Variants in PTPRZ1 observed in about 807,000 individuals in gnomAD.
PTPRZ1 encodes protein tyrosine phosphatase receptor type Z1.
Under a neutral mutation model 214.1 loss-of-function variants are expected in PTPRZ1, and 82 were observed. That is an observed-to-expected ratio of 0.38 (90% CI 0.32 to 0.46). The LOEUF is 0.46. Ranked by LOEUF, PTPRZ1 falls within the 20% of genes least tolerant of loss-of-function variation. The pLI, the probability that PTPRZ1 is intolerant of heterozygous loss-of-function variation, is 1.00. For missense variants in PTPRZ1, 2,603 were observed against 2,748.7 expected, an observed-to-expected ratio of 0.95 and a Z score of 1.19; for synonymous variants, 945 against 987.9, an observed-to-expected ratio of 0.96 and a Z score of 0.81.
At chr7:121,879,755 C>G (rs1794176901) in intron 1 of PTPRZ1, among the ~76,000 whole-genome samples, 1 of 152,038 alleles carries the variant, frequency 6.6e-6, no homozygotes, top group Admixed American at 6.6e-5. Context: ...ATTTTCTTCT[C>G]AACTACCTTC....
intron 3 of PTPRZ1, 103 bp from the exon 4 acceptor site, chr7:121,972,438 A>C: frequency 8.4e-7 from 1 of 1,196,318 alleles, no homozygotes; most frequent in Non-Finnish European, 1.1e-6. Context: ...AAATTTATCA[A>C]ATAAATGATT....
intron 24 of PTPRZ1, 61 bp downstream of exon 24, chr7:122,051,582 AT>A (rs1792187131): frequency 2.9e-6 from 4 of 1,399,404 alleles, no homozygotes; most frequent in Non-Finnish European, 4.0e-6. Context: ...CTTGTAGGAA[AT>A]TTGGCAATAT....
chr7:121,881,667 A>G (rs1794242139), intron 1 of PTPRZ1, among the ~76,000 whole-genome samples: 1 of 152,186 alleles, frequency 6.6e-6, no homozygotes, highest in African/African-American at 2.4e-5. Flanking sequence ...TTTCAGCTTC[A>G]GAGTAACCCT....
chr7:121,968,604 CCTCT>C (rs905871423), intron 3 of PTPRZ1, among the ~76,000 whole-genome samples: 5 of 149,544 alleles, frequency 3.3e-5, no homozygotes, highest in Non-Finnish European at 5.9e-5. Context: ...CTTAGGAAAC[CCTCT>C]CTAAGTGTCT....
chr7:121,959,922 G>A (rs1309046139), intron 2 of PTPRZ1, among the ~76,000 whole-genome samples: 3 of 152,208 alleles, frequency 2.0e-5, no homozygotes, highest in African/African-American at 4.8e-5. Flanking sequence ...AGTGTATGGA[G>A]CACTAAGTAG....
intron 2 of PTPRZ1, among the ~76,000 whole-genome samples, chr7:121,930,167 A>G (rs1022101519): frequency 9.2e-5 from 14 of 152,140 alleles, no homozygotes; most frequent in Admixed American, 6.6e-5. Context: ...AAATTAAGGC[A>G]CATCTCGACT....
chr7:121,926,059 C>G (rs1385330365), intron 1 of PTPRZ1, among the ~76,000 whole-genome samples: 2 of 152,140 alleles, frequency 1.3e-5, no homozygotes, highest in South Asian at 2.1e-4. Flanking sequence ...AATTCCAGCA[C>G]TTTGGGAGGC....
chr7:121,939,366 T>C (rs1485047121), intron 2 of PTPRZ1, among the ~76,000 whole-genome samples: 1 of 152,226 alleles, frequency 6.6e-6, no homozygotes, highest in African/African-American at 2.4e-5. Context: ...AAACTTGGCA[T>C]ATGCCAAAAT....
intron 13 of PTPRZ1, 127 bp from the exon 14 acceptor site, chr7:122,028,425 C>T: frequency 3.6e-6 from 2 of 559,678 alleles, no homozygotes; most frequent in Non-Finnish European, 6.2e-6. Flanking sequence ...TCCAGCAATC[C>T]CTCTTCTGGG....
chr7:122,033,853 T>C, intron 15 of PTPRZ1: 1 of 504,760 alleles, frequency 2.0e-6, no homozygotes, highest in Non-Finnish European at 3.5e-6. Flanking sequence ...TATTATGACA[T>C]CACTATCTCC....
chr7:121,955,130 C>T (rs1563035517), intron 2 of PTPRZ1, among the ~76,000 whole-genome samples: 1 of 152,180 alleles, frequency 6.6e-6, no homozygotes, highest in Non-Finnish European at 1.5e-5. Flanking sequence ...AACTCTGTGT[C>T]ATTGACCCTT....
At chr7:122,017,177 T>C (rs1037994146) in intron 12 of PTPRZ1, among the ~76,000 whole-genome samples, 14 of 152,194 alleles carry the variant, frequency 9.2e-5, no homozygotes, top group Non-Finnish European at 1.8e-4. Flanking sequence ...ATAGTTACAA[T>C]AGAAAAAACT....
intron 2 of PTPRZ1, among the ~76,000 whole-genome samples, chr7:121,939,975 G>A (rs1161053932): frequency 1.3e-5 from 2 of 152,142 alleles, no homozygotes; most frequent in African/African-American, 4.8e-5. Flanking sequence ...GAAAAATTGT[G>A]CCAGGCAAAG....
At chr7:121,896,793 A>T (rs1794798748) in intron 1 of PTPRZ1, among the ~76,000 whole-genome samples, 1 of 152,028 alleles carries the variant, frequency 6.6e-6, no homozygotes, top group Admixed American at 6.6e-5. Flanking sequence ...AAAAAAAGAA[A>T]CAAGAACATT....
chr7:121,905,219 T>C (rs1339134469), intron 1 of PTPRZ1, among the ~76,000 whole-genome samples: 1 of 152,180 alleles, frequency 6.6e-6, no homozygotes, highest in Non-Finnish European at 1.5e-5. Context: ...CAATGATGTC[T>C]AAGAATTCCA....
intron 28 of PTPRZ1, chr7:122,059,549 G>T: frequency 3.7e-6 from 2 of 538,622 alleles, no homozygotes; most frequent in Non-Finnish European, 6.3e-6. Context: ...CTTCTGTAAA[G>T]TATTCCACTA....
intron 2 of PTPRZ1, among the ~76,000 whole-genome samples, chr7:121,947,001 A>T (rs930473247): frequency 6.6e-6 from 1 of 152,174 alleles, no homozygotes; most frequent in African/African-American, 2.4e-5. Flanking sequence ...GTGTTACTGA[A>T]TGGAAACTTA....
chr7:122,002,251 A>G (rs1233995175), intron 10 of PTPRZ1, among the ~76,000 whole-genome samples: 1 of 152,200 alleles, frequency 6.6e-6, no homozygotes, highest in Non-Finnish European at 1.5e-5. Context: ...AGTCAGTTCA[A>G]ATGATCTCAG....
chr7:121,973,260 T>C (rs1055662196), intron 4 of PTPRZ1, among the ~76,000 whole-genome samples: 8 of 152,112 alleles, frequency 5.3e-5, no homozygotes, highest in African/African-American at 1.9e-4. Context: ...AAGGCAATGA[T>C]TATTTAAATA....
Sources: allele counts gnomAD v4.1 joint callset (sites outside exome capture counted in the v4.1 genomes callset), GRCh38; gene constraint gnomAD v4.1.1; transcripts MANE v1.5; gene names NCBI Gene and HGNC (gene_info 2026-07-23, HGNC 2026-07-21).